The following SULF2 variants were observed in gnomAD, a reference collection of about 807,000 sequenced individuals.
The protein encoded by SULF2 is sulfatase 2.
Under a neutral mutation model 107.7 loss-of-function variants are expected in SULF2, and 52 were observed. The ratio of observed to expected loss-of-function variants is 0.48; its 90% CI spans 0.39 to 0.61. SULF2 has a LOEUF of 0.61. Among genes scored for constraint, SULF2 ranks in the 20% least tolerant of loss-of-function variants. SULF2 has a pLI of 0.00. For missense variants in SULF2, 993 were observed against 1,177.3 expected, an observed-to-expected ratio of 0.84 and a Z score of 2.29; for synonymous variants, 460 against 464.3, an observed-to-expected ratio of 0.99 and a Z score of 0.12.
chr20:47,759,867 G>A (rs867741761), intron 1 of SULF2, among the ~76,000 whole-genome samples: 6 of 152,352 alleles, frequency 3.9e-5, no homozygotes, highest in African/African-American at 1.4e-4. Flanking sequence ...AATCACTACT[G>A]CAGCCTGCAA....
intron 1 of SULF2, among the ~76,000 whole-genome samples, chr20:47,780,282 G>A (rs1292741134): frequency 6.6e-6 from 1 of 152,140 alleles, no homozygotes; most frequent in Non-Finnish European, 1.5e-5. Flanking sequence ...CTCCCAAAGT[G>A]CTGAGATTTC....
intron 1 of SULF2, among the ~76,000 whole-genome samples, chr20:47,762,139 C>T (rs1295466459): frequency 2.0e-5 from 3 of 152,318 alleles, no homozygotes; most frequent in Admixed American, 6.5e-5. Context: ...TTATCAGCAG[C>T]GTGAAAACAG....
chr20:47,680,740 C>T lies in SULF2; in HGVS notation c.1065-1936G>A, dbSNP rs1821536090. 6.6e-6 allele frequency among the ~76,000 whole-genome samples: 1 copy of T among 152,210 alleles called. No homozygotes were observed. The highest frequency in any genetic ancestry group is 1.5e-5 in the Non-Finnish European group (1 of 68,032). ...CGAGGGAGCTGGGAAGACTGCTGAG[C>T]GACGGGCGCTCTGCAGAACCCAGCA... On this transcript the variant is annotated intron_variant, in intron 7 of 20. Coordinates refer to ENST00000688720, the MANE Select transcript of SULF2 (RefSeq NM_001387048.1). The surrounding 1 kb of genome is among the most constrained non-coding windows in gnomAD (Gnocchi z 4.2).
At chr20:47,731,859 T>C (rs1035276118) in intron 3 of SULF2, among the ~76,000 whole-genome samples, 1 of 152,216 alleles carries the variant, frequency 6.6e-6, no homozygotes, top group Non-Finnish European at 1.5e-5. Context: ...TCTTCATATT[T>C]GCTGTGGTCA....
intron 4 of SULF2, among the ~76,000 whole-genome samples, chr20:47,699,353 C>T (rs907517264): frequency 7.2e-5 from 11 of 151,784 alleles, no homozygotes; most frequent in African/African-American, 2.7e-4. Context: ...CTAGTCCACT[C>T]CCCTCATATG....
rs2087279778 is a variant in SULF2 at position 47,666,532 on chromosome 20, GCT to G, written c.1577-46_1577-45del. 2 of 1,515,696 alleles carry G rather than the reference GCT, an allele frequency of 1.3e-6. No homozygotes were observed. Among genetic ancestry groups the G allele is most frequent in the Non-Finnish European group, 1.8e-6 (2 of 1,104,628 alleles). 93.9% of individuals were successfully genotyped at this position (1,515,696 alleles called of 1,614,324 possible). On this transcript the variant is annotated intron_variant, in intron 11 of 20. Coordinates refer to ENST00000688720, the MANE Select transcript of SULF2 (RefSeq NM_001387048.1). This position sits in a 1 kb window ranked among gnomAD's most constrained non-coding sequence, Gnocchi z 5.4. ...TGGCAGAGTTAGGGAGGCAGGAAAG[GCT>G]GGCCAGGCTCCCAGGGCAGTGGGTC...
At chr20:47,727,372 G>A (rs2089473113) in intron 3 of SULF2, among the ~76,000 whole-genome samples, 1 of 152,144 alleles carries the variant, frequency 6.6e-6, no homozygotes, top group African/African-American at 2.4e-5. Flanking sequence ...GGGGTGCCAA[G>A]ATTCCCAGCA....
At chr20:47,764,080 T>C (rs2090475136) in intron 1 of SULF2, among the ~76,000 whole-genome samples, 1 of 152,220 alleles carries the variant, frequency 6.6e-6, no homozygotes, top group African/African-American at 2.4e-5. Flanking sequence ...CCCTTGAACT[T>C]GCTGCTCCCT....
rs760782481 is a variant in SULF2 at position 47,663,470 on chromosome 20, G to A, written c.2210C>T (p.Thr737Met). 1.2e-5 allele frequency: 19 copies of A among 1,609,670 alleles called. No individual in the cohort carries two copies. The highest frequency in any genetic ancestry group is 8.0e-5 in the African/African-American group (6 of 74,946). ...CFTHDNQHWQ[T>M]APFWTLGPFC... Reference sequence around the variant, plus strand: ...TTGCTCACGTGTCCAGAAAGGCGCCGTCTGCCAGTGCTGGTTGTCGTGGGT... The same window carrying A: ...TTGCTCACGTGTCCAGAAAGGCGCCATCTGCCAGTGCTGGTTGTCGTGGGT... Residue 737 changes from threonine to methionine, a missense_variant, in exon 16 of 21, where the codon ACG (threonine) becomes ATG (methionine). This residue lies in a region of SULF2 where 497 missense variants were observed against 544.1 expected (regional missense o/e 0.91). Transcript: ENST00000688720.
At position 47,658,161 on chromosome 20, in the gene SULF2, G is replaced by A. The variant is rs180894519; in HGVS notation, c.*201C>T. 5 of 616,978 alleles carry A rather than the reference G, an allele frequency of 8.1e-6. No individual in the cohort carries two copies. The East Asian group carries it at 1.4e-4, about 17-fold the overall frequency. The allele number at this position is 616,978 out of a possible 1,614,324, so 38.2% of individuals were successfully genotyped here. A position where few individuals can be genotyped will look rare whatever the true frequency, so the allele number is the denominator to read the frequency against. On this transcript the variant is annotated 3_prime_UTR_variant, in exon 21 of 21. Coordinates refer to ENST00000688720, the MANE Select transcript of SULF2 (RefSeq NM_001387048.1). ...GGTATAATCCAAAGCAAAAGCAGGG[G>A]CAAAAATGGACTTCCTGAAGTTATC...
At chr20:47,699,935 T>G (rs375084193) in intron 4 of SULF2, among the ~76,000 whole-genome samples, 1 of 152,160 alleles carries the variant, frequency 6.6e-6, no homozygotes, top group Non-Finnish European at 1.5e-5. Context: ...CCTCTTTCAG[T>G]GACTGCCTGT....
intron 2 of SULF2, among the ~76,000 whole-genome samples, chr20:47,746,601 A>AG (rs1355712191): frequency 6.6e-6 from 1 of 152,126 alleles, no homozygotes; most frequent in African/African-American, 2.4e-5. Context: ...TCTCCAGCAG[A>AG]GGGGAGAGAA....
intron 4 of SULF2, among the ~76,000 whole-genome samples, chr20:47,693,093 AAAC>A (rs2088252325): frequency 1.3e-5 from 2 of 152,232 alleles, no homozygotes; most frequent in Non-Finnish European, 1.5e-5. Flanking sequence ...TGGGGAGTAA[AAAC>A]AATTTTATAA....
At chr20:47,730,224 G>A (rs1450458491) in intron 3 of SULF2, among the ~76,000 whole-genome samples, 1 of 152,218 alleles carries the variant, frequency 6.6e-6, no homozygotes, top group Non-Finnish European at 1.5e-5. Context: ...CTTGTAAGGA[G>A]CATGTACCCC....
intron 4 of SULF2, among the ~76,000 whole-genome samples, chr20:47,695,855 C>A (rs145504861): frequency 6.6e-6 from 1 of 152,214 alleles, no homozygotes; most frequent in African/African-American, 2.4e-5. Flanking sequence ...TCAAGTGATC[C>A]GCCTGGTTTG....
chr20:47,745,420 T>TAA (rs1568892638), intron 2 of SULF2, among the ~76,000 whole-genome samples: 298 of 4,430 alleles, frequency 0.067, 15 homozygotes, highest in African/African-American at 0.27. Flanking sequence ...AATATATATA[T>TAA]ATATATATAT....
At chr20:47,727,294 A>G (rs2089470609) in intron 3 of SULF2, among the ~76,000 whole-genome samples, 1 of 152,104 alleles carries the variant, frequency 6.6e-6, no homozygotes, top group Admixed American at 6.5e-5. Context: ...ACGGGAAGAG[A>G]GGGACCCACA....
At chr20:47,754,116 G>T (rs1441147469) in intron 2 of SULF2, among the ~76,000 whole-genome samples, 4 of 152,152 alleles carry the variant, frequency 2.6e-5, no homozygotes, top group African/African-American at 9.7e-5. Flanking sequence ...AATATACGTG[G>T]TACAGCCCCG....
At chr20:47,728,532 C>G (rs2089509023) in intron 3 of SULF2, among the ~76,000 whole-genome samples, 1 of 152,096 alleles carries the variant, frequency 6.6e-6, no homozygotes, top group African/African-American at 2.4e-5. Flanking sequence ...GAGACTTAGT[C>G]ACCAGTCATC....
Sources: gnomAD v4.1 joint callset for allele counts (sites outside exome capture counted in the v4.1 genomes callset) on GRCh38, gnomAD v4.1.1 for gene constraint, gnomAD v4.1.1 regional missense constraint, Gnocchi (gnomAD v3.1) non-coding constraint, MANE v1.5 for transcripts, NCBI Gene and HGNC (gene_info 2026-07-23, HGNC 2026-07-21) for gene names.